Variants in LARP4B observed in about 807,000 individuals in gnomAD.
LARP4B encodes the protein La ribonucleoprotein 4B.
A neutral mutation model predicts 89.8 loss-of-function variants in LARP4B; 12 were observed. That is an observed-to-expected ratio of 0.13 (90% CI 0.09 to 0.22). LARP4B has a LOEUF of 0.22. LARP4B is among the 10% of genes least tolerant of loss of function. The pLI is 1.00. For missense variants in LARP4B, 757 were observed against 947.7 expected (o/e 0.80, Z 2.64); for synonymous variants, 367 against 363.3 (o/e 1.01, Z -0.12).
Position 890,632 on chromosome 10 carries a change from C to G in LARP4B, c.-39-4872G>C, listed in dbSNP as rs1217388773. ...AACATCTGGACTGAGATTCTAGGTC[C>G]TTGGTTCTCAGGCCTCGGATGCAAT... On this transcript the variant is annotated intron_variant, in intron 1 of 17. Transcript: ENST00000316157. 2.6e-5 allele frequency among the ~76,000 whole-genome samples: 4 copies of G among 152,222 alleles called. No homozygotes were observed. The South Asian group carries it at 8.3e-4, about 32-fold the overall frequency.
At chr10:848,517 T>C (rs1389291681) in intron 5 of LARP4B, among the ~76,000 whole-genome samples, 1 of 151,092 alleles carries the variant, frequency 6.6e-6, no homozygotes, top group East Asian at 1.9e-4. Context: ...AAAGTTATCA[T>C]AACTGTATTC....
the LARP4B span, among the ~76,000 whole-genome samples, chr10:962,349 A>T: frequency 6.6e-6 from 1 of 151,726 alleles, no homozygotes; most frequent in Non-Finnish European, 1.5e-5. Context: ...GTTCGGGCCC[A>T]ACAATATGAC....
chr10:968,951 G>A, the LARP4B span, among the ~76,000 whole-genome samples: 37 of 152,314 alleles, frequency 2.4e-4, no homozygotes, highest in African/African-American at 7.9e-4. Context: ...TGCATTCCCC[G>A]GAACAACAGC....
At chr10:892,405 A>G (rs1836056981) in intron 1 of LARP4B, among the ~76,000 whole-genome samples, 1 of 152,240 alleles carries the variant, frequency 6.6e-6, no homozygotes, top group Non-Finnish European at 1.5e-5. Context: ...CATGTACACC[A>G]GAAATGTTTA....
intron 3 of LARP4B, among the ~76,000 whole-genome samples, chr10:878,208 G>A (rs1379758103): frequency 6.6e-6 from 1 of 152,190 alleles, no homozygotes; most frequent in Non-Finnish European, 1.5e-5. Context: ...CTAGGGACCT[G>A]CCAGAACTCA....
Position 839,470 on chromosome 10 carries a change from T to C in LARP4B, c.647-2964A>G, listed in dbSNP as rs534543578. ...AGGACTCAATTGTTAATAAAACTAA[T>C]AAAGTATGTGTGGGACATCTAAATA... On this transcript the variant is annotated intron_variant, in intron 7 of 17. Transcript: ENST00000316157. Among the ~76,000 whole-genome samples, 5 of 152,262 alleles carry C rather than the reference T, an allele frequency of 3.3e-5. No homozygotes were observed. The East Asian group carries it at 9.6e-4, about 29-fold the overall frequency.
At chr10:809,394 C>T (rs1831658098), downstream of LARP4B, 1 of 152,238 alleles carries the variant, frequency 6.6e-6, no homozygotes, top group African/African-American at 2.4e-5. Flanking sequence ...CCACAGCCAG[C>T]CCCCACGTAG....
At chr10:816,957 T>C (rs748930088) in intron 15 of LARP4B, among the ~76,000 whole-genome samples, 2 of 152,166 alleles carry the variant, frequency 1.3e-5, no homozygotes, top group African/African-American at 4.8e-5. Context: ...CACGGTCATG[T>C]GGCGTGGAAC....
chr10:834,937 G>A (rs1360727685), intron 8 of LARP4B, among the ~76,000 whole-genome samples: 1 of 151,920 alleles, frequency 6.6e-6, no homozygotes, highest in African/African-American at 2.4e-5. Context: ...CTACTCGGGA[G>A]GCTGAGGCAG....
At chr10:881,939 A>G (rs1395661619) in intron 3 of LARP4B, among the ~76,000 whole-genome samples, 1 of 152,156 alleles carries the variant, frequency 6.6e-6, no homozygotes, top group Non-Finnish European at 1.5e-5. Flanking sequence ...TGATGAATGG[A>G]TGGATACTCA....
the LARP4B span, among the ~76,000 whole-genome samples, chr10:958,072 CAGGCGTGA>C: frequency 6.6e-6 from 1 of 152,216 alleles, no homozygotes; most frequent in African/African-American, 2.4e-5. Context: ...GCTGGGATTA[CAGGCGTGA>C]GCCACGATGC....
the LARP4B span, among the ~76,000 whole-genome samples, chr10:944,893 G>A: frequency 6.6e-6 from 1 of 152,196 alleles, no homozygotes; most frequent in Admixed American, 6.5e-5. Context: ...AGTCCAAGTC[G>A]TACTTAGAAT....
chr10:910,215 C>CT (rs992724432), intron 1 of LARP4B, among the ~76,000 whole-genome samples: 8 of 148,336 alleles, frequency 5.4e-5, no homozygotes, highest in African/African-American at 1.5e-4. Flanking sequence ...CAGGAACTGC[C>CT]TTTTTTCCCT....
rs553180572 is a variant in LARP4B, at chr10:814,923, G to A, written c.1820+23C>T. 2.2e-5 allele frequency: 35 copies of A among 1,577,622 alleles called. No homozygotes were observed. In the Admixed American group the frequency reaches 3.8e-4, roughly 17 times the overall value. On this transcript the variant is annotated intron_variant, in intron 16 of 17. Coordinates refer to ENST00000316157, the MANE Select transcript of LARP4B (RefSeq NM_015155.3). This position sits in a 1 kb window ranked among gnomAD's most constrained non-coding sequence, Gnocchi z 4.4. Reference sequence around the variant, plus strand: ...CATTCAAGTCAGTCAACACCAAGGCGCTGGAAGAACACCAATACTCACTCG... The same window carrying A: ...CATTCAAGTCAGTCAACACCAAGGCACTGGAAGAACACCAATACTCACTCG...
At chr10:946,142 G>A in the LARP4B span, among the ~76,000 whole-genome samples, 357 of 152,202 alleles carry the variant, frequency 2.3e-3, 2 homozygotes, top group Non-Finnish European at 4.0e-3. Context: ...GATAAATCCC[G>A]GAAAAAAGGT....
chr10:838,611 C>T (rs1833354124), intron 7 of LARP4B, among the ~76,000 whole-genome samples: 2 of 152,150 alleles, frequency 1.3e-5, no homozygotes, highest in Admixed American at 6.5e-5. Context: ...AATGACACCA[C>T]CAAATGCTGC....
Position 815,089 on chromosome 10 carries a change from T to A in LARP4B, c.1696-19A>T. On this transcript the variant is annotated intron_variant, in intron 15 of 17. Coordinates refer to ENST00000316157, the MANE Select transcript of LARP4B (RefSeq NM_015155.3). ...TGAGGGTCTGAAACAGGGTCAAGAG[T>A]GTTCATCAGAGTCCTGCCGGCACTA... 6.5e-7 allele frequency: 1 copy of A among 1,533,334 alleles called. No homozygotes were observed. The highest frequency in any genetic ancestry group is 2.1e-5 in the Admixed American group (1 of 48,672). The allele number at this position is 1,533,334 out of a possible 1,614,324, so 95.0% of individuals were successfully genotyped here.
chr10:852,997 G>A lies in LARP4B; in HGVS notation c.431-7942C>T, dbSNP rs59687547. 4.6e-5 allele frequency among the ~76,000 whole-genome samples: 7 copies of A among 152,280 alleles called. No homozygotes were observed. In the East Asian group the frequency reaches 1.2e-3, roughly 25 times the overall value. Reference sequence around the variant, plus strand: ...AAGTAAGAGATACATCTTGTTCATGGATATTGTTCAGATGTCAATGTTCTC... The same window carrying A: ...AAGTAAGAGATACATCTTGTTCATGAATATTGTTCAGATGTCAATGTTCTC... On this transcript the variant is annotated intron_variant, in intron 5 of 17. Coordinates refer to ENST00000316157, the MANE Select transcript of LARP4B (RefSeq NM_015155.3).
intron 12 of LARP4B, among the ~76,000 whole-genome samples, 166 bp downstream of exon 12, chr10:825,597 CG>C (rs1269444336): frequency 6.6e-6 from 1 of 152,250 alleles, no homozygotes; most frequent in African/African-American, 2.4e-5. Context: ...GAATCTGAGG[CG>C]GGCACCCATG....
Sources: allele counts gnomAD v4.1 joint callset (sites outside exome capture counted in the v4.1 genomes callset), GRCh38; gene constraint gnomAD v4.1.1; non-coding constraint Gnocchi (gnomAD v3.1); transcripts MANE v1.5; gene names NCBI Gene and HGNC (gene_info 2026-07-23, HGNC 2026-07-21).